Variants in RAB7A observed in about 807,000 individuals in gnomAD.
RAB7A encodes RAB7A, member RAS oncogene family, also known as ras-related protein Rab-7a.
A neutral mutation model predicts 24.5 loss-of-function variants in RAB7A; 2 were observed. The ratio of observed to expected loss-of-function variants is 0.08; its 90% confidence interval spans 0.03 to 0.26. The LOEUF (loss-of-function observed/expected upper bound fraction) is 0.26, where lower values mean the gene tolerates loss of function less well. Among genes scored for constraint, RAB7A ranks in the 10% least tolerant of loss-of-function variants. The pLI, the probability that RAB7A is intolerant of heterozygous loss-of-function variation, is 1.00. For missense variants in RAB7A, 118 were observed against 255.7 expected (o/e 0.46, Z 3.67); for synonymous variants, 100 against 95.9 (o/e 1.04, Z -0.25).
At chr3:128,789,657 A>G (rs1353952341) in intron 1 of RAB7A, among the ~76,000 whole-genome samples, 1 of 152,040 alleles carries the variant, frequency 6.6e-6, no homozygotes, top group Non-Finnish European at 1.5e-5. Context: ...AAATAATTTC[A>G]GTCTTCAGAA....
chr3:128,806,220 C>T, intron 3 of RAB7A, 152 bp from the exon 4 acceptor site: 2 of 629,676 alleles, frequency 3.2e-6, no homozygotes, highest in East Asian at 2.7e-5. Context: ...TTCAGATACT[C>T]TGGTGCTGAA....
Position 128,813,597 on chromosome 3 carries a change from A to ACG in RAB7A, c.*176_*177insGC. On this transcript the variant is annotated 3_prime_UTR_variant, in exon 6 of 6. Transcript: ENST00000265062. ...CCCCACATATCTCTCACACACACAC[A>ACG]CACACGCACACACACACACACAGAT... The ACG allele has an allele frequency of 3.4e-6, 2 of 591,536 alleles. No individual in the cohort carries two copies. The highest frequency in any genetic ancestry group is 6.4e-6 in the Non-Finnish European group (2 of 312,794). 36.6% of individuals were successfully genotyped at this position (591,536 alleles called of 1,614,324 possible).
intron 1 of RAB7A, among the ~76,000 whole-genome samples, chr3:128,768,725 AT>A (rs34053060): frequency 0.11 from 14,942 of 137,224 alleles, 765 homozygotes; most frequent in South Asian, 0.17. Flanking sequence ...CACCTGGCTA[AT>A]TTTTTTTTTT....
At chr3:128,787,357 G>A (rs962309424) in intron 1 of RAB7A, among the ~76,000 whole-genome samples, 3 of 152,232 alleles carry the variant, frequency 2.0e-5, no homozygotes, top group Non-Finnish European at 4.4e-5. Context: ...AATCAGAACA[G>A]TAGTTGTAGA....
At chr3:128,749,480 C>G (rs1190276722) in intron 1 of RAB7A, 2 of 152,178 alleles carry the variant, frequency 1.3e-5, no homozygotes, top group Middle Eastern at 3.2e-3. Flanking sequence ...CTTGAGGACC[C>G]TGTAATTGTA....
chr3:128,784,946 AT>A (rs11287809), intron 1 of RAB7A, among the ~76,000 whole-genome samples: 24,998 of 135,226 alleles, frequency 0.18, 3,077 homozygotes, highest in African/African-American at 0.39. Context: ...TCATGGCATG[AT>A]TTTTTTTTTT....
intron 1 of RAB7A, among the ~76,000 whole-genome samples, chr3:128,789,486 C>T (rs1163233758): frequency 2.6e-5 from 4 of 151,942 alleles, no homozygotes; most frequent in Admixed American, 2.0e-4. Context: ...GTGTGTTTCA[C>T]CACACCCAGC....
At chr3:128,751,345 G>C (rs1027158240) in intron 1 of RAB7A, among the ~76,000 whole-genome samples, 1 of 152,196 alleles carries the variant, frequency 6.6e-6, no homozygotes, top group Non-Finnish European at 1.5e-5. Flanking sequence ...GAGGGAGGCT[G>C]TACCCTGCAA....
At chr3:128,747,886 G>A (rs1052120173) in intron 1 of RAB7A, among the ~76,000 whole-genome samples, 8 of 151,556 alleles carry the variant, frequency 5.3e-5, no homozygotes, top group Middle Eastern at 3.4e-3. Flanking sequence ...TCCTGCCTCA[G>A]CCTCCCAAGT....
At chr3:128,774,834 A>C (rs1933040600) in intron 1 of RAB7A, among the ~76,000 whole-genome samples, 1 of 151,992 alleles carries the variant, frequency 6.6e-6, no homozygotes, top group African/African-American at 2.4e-5. Context: ...GGCCTCCCAA[A>C]GTGCTGGGAT....
chr3:128,765,043 C>T (rs557927512), intron 1 of RAB7A: 30 of 1,322,794 alleles, frequency 2.3e-5, no homozygotes, highest in Middle Eastern at 2.5e-4. Context: ...GAGGTGGCGG[C>T]GGTGGCTGCG....
At chr3:128,748,910 C>T (rs988287823) in intron 1 of RAB7A, 1 of 152,094 alleles carries the variant, frequency 6.6e-6, no homozygotes, top group African/African-American at 2.4e-5. Context: ...TAGAGAAGGT[C>T]TCCCAGGCTC....
At chr3:128,765,125 A>G (rs2070817100) in intron 1 of RAB7A, 1 of 724,652 alleles carries the variant, frequency 1.4e-6, no homozygotes, top group East Asian at 2.7e-5. Flanking sequence ...AGGGCTGGCT[A>G]CGGGCGGCCG....
chr3:128,791,533 T>C (rs1933452452), intron 1 of RAB7A, among the ~76,000 whole-genome samples: 1 of 152,248 alleles, frequency 6.6e-6, no homozygotes, highest in Non-Finnish European at 1.5e-5. Context: ...AATTTGACTT[T>C]TGTTTAACTT....
At chr3:128,763,238 G>A (rs1205983497) in intron 1 of RAB7A, among the ~76,000 whole-genome samples, 25 of 107,594 alleles carry the variant, frequency 2.3e-4, no homozygotes, top group East Asian at 1.1e-3. Context: ...TTTTTGAGAC[G>A]GAGTCTCGCT....
chr3:128,770,509 G>T (rs1269969322), intron 1 of RAB7A, among the ~76,000 whole-genome samples: 41 of 152,142 alleles, frequency 2.7e-4, no homozygotes, highest in Non-Finnish European at 7.4e-5. Context: ...ACTAAGCTAG[G>T]ATCTCAGGTA....
At chr3:128,729,480 G>C (rs1358646777) in intron 1 of RAB7A, among the ~76,000 whole-genome samples, 1 of 150,944 alleles carries the variant, frequency 6.6e-6, no homozygotes, top group South Asian at 2.1e-4. Flanking sequence ...TGAGGCAGGA[G>C]AATGGCGTGA....
At chr3:128,756,991 G>A (rs1018419666) in intron 1 of RAB7A, among the ~76,000 whole-genome samples, 2 of 151,884 alleles carry the variant, frequency 1.3e-5, no homozygotes, top group South Asian at 2.1e-4. Flanking sequence ...CTACAGGCGC[G>A]CACCACCACG....
intron 1 of RAB7A, among the ~76,000 whole-genome samples, chr3:128,778,251 T>C (rs1283710018): frequency 6.6e-6 from 1 of 152,226 alleles, no homozygotes; most frequent in South Asian, 2.1e-4. Context: ...TAGCCACCGG[T>C]GGCTAGTAAC....
Sources: allele counts gnomAD v4.1 joint callset (sites outside exome capture counted in the v4.1 genomes callset), GRCh38; gene constraint gnomAD v4.1.1; transcripts MANE v1.5; gene names NCBI Gene and HGNC (gene_info 2026-07-23, HGNC 2026-07-21).